The following AGXT2 variants were observed in gnomAD, a reference collection of about 807,000 sequenced individuals.
AGXT2 encodes the protein alanine--glyoxylate aminotransferase 2, mitochondrial.
Under a neutral mutation model 62.5 loss-of-function variants are expected in AGXT2, and 61 were observed. That is an observed-to-expected ratio of 0.98 (90% CI 0.79 to 1.21). The LOEUF is 1.21. AGXT2 is among the 50% of genes most tolerant of loss of function. The pLI is 0.00. For missense variants in AGXT2, 666 were observed against 641.5 expected (o/e 1.04, Z -0.41); for synonymous variants, 243 against 218.7 (o/e 1.11, Z -0.98).
At chr5:35,045,795 T>A (rs1768177699) in intron 1 of AGXT2, among the ~76,000 whole-genome samples, 1 of 125,010 alleles carries the variant, frequency 8.0e-6, no homozygotes. Flanking sequence ...TGAGAAGGAG[T>A]CTCACTCTGT....
chr5:35,026,402 A>G lies in AGXT2; in HGVS notation c.870+8T>C. 6.2e-7 allele frequency: 1 copy of G among 1,610,776 alleles called. No individual in the cohort carries two copies. The highest frequency in any genetic ancestry group is 8.5e-7 in the Non-Finnish European group (1 of 1,176,918). ...AGCTCCATTAATGTCTAAGGTTCAT[A>G]TACCCACTTGAATAGGTTCTGCGAA... On this transcript the variant is annotated splice_region_variant and intron_variant, in intron 8 of 13. Transcript: ENST00000231420.
chr5:34,998,678 CAAATTCT>C lies in AGXT2; in HGVS notation c.*34_*40del. 1 of 1,542,004 alleles carries C rather than the reference CAAATTCT, an allele frequency of 6.5e-7. No individual in the cohort carries two copies. The highest frequency in any genetic ancestry group is 2.2e-5 in the East Asian group (1 of 44,486). ...CAAATTCACCCTTGAACATACGTGGCAAATTCTTGAGACTTGTGGTTTTATTTATTTC... is the reference window on the plus strand; with the variant it reads ...CAAATTCACCCTTGAACATACGTGGCTGAGACTTGTGGTTTTATTTATTTC... On this transcript the variant is annotated 3_prime_UTR_variant, in exon 14 of 14. Transcript: ENST00000231420.
rs116355578 is a variant in AGXT2 at position 35,047,565 on chromosome 5, G to A, written c.88+240C>T. ...AGATAGCATGTCATGTTGAAATTGT[G>A]TATAGTCGGGTTTCATTATCCACGA... On this transcript the variant is annotated intron_variant, in intron 1 of 13. Transcript: ENST00000231420. Among the ~76,000 whole-genome samples the A allele has an allele frequency of 6.5e-3, 993 of 152,306 alleles. 12 individuals are homozygous for A. Among genetic ancestry groups the A allele is most frequent in the African/African-American group, 0.023 (943 of 41,554 alleles).
Position 35,040,617 on chromosome 5 carries a change from C to A in AGXT2, c.135G>T (p.Lys45Asn). The A allele has an allele frequency of 6.2e-7, 1 of 1,613,964 alleles. No homozygotes were observed. The highest frequency in any genetic ancestry group is 1.3e-5 in the African/African-American group (1 of 75,022). The change falls in exon 2 of 14, where the codon AAG (lysine) becomes AAT (asparagine). Residue 45 changes from lysine (K) to asparagine (N), a missense_variant. Coordinates refer to ENST00000231420, the MANE Select transcript of AGXT2 (RefSeq NM_031900.4). ...TSVTKLSLHT[K>N]PRMPPCDFMP... ...TGAAGTCACATGGAGGCATTCTGGG[C>A]TTTGTATGAAGACTGAGCTTGGTTA... is the stretch of plus-strand genomic sequence containing the variant.
At position 35,047,917 on chromosome 5, in the gene AGXT2, C is replaced by G. The variant is rs1344912637; in HGVS notation, c.-25G>C. On this transcript the variant is annotated 5_prime_UTR_variant, in exon 1 of 14. Coordinates refer to ENST00000231420, the MANE Select transcript of AGXT2 (RefSeq NM_031900.4). ...TTTCTCCCACTCAGAAAGCCAACCC[C>G]CATGGAAGCAGATTGGAGGCCGGGC... 2 of 1,613,630 alleles carry G rather than the reference C, an allele frequency of 1.2e-6. No homozygotes were observed. Among genetic ancestry groups the G allele is most frequent in the Non-Finnish European group, 1.7e-6 (2 of 1,179,872 alleles).
chr5:35,029,053 C>T (rs1767469938), intron 7 of AGXT2, among the ~76,000 whole-genome samples: 1 of 152,142 alleles, frequency 6.6e-6, no homozygotes, highest in Admixed American at 6.5e-5. Flanking sequence ...GACAGAGGTA[C>T]CTGATATCTT....
At chr5:35,034,841 C>T (rs565665394) in intron 5 of AGXT2, among the ~76,000 whole-genome samples, 77 of 152,116 alleles carry the variant, frequency 5.1e-4, no homozygotes, top group South Asian at 3.7e-3. Context: ...TAAAATAGGC[C>T]GGTATTTTTT....
rs1766104516 is a variant in AGXT2 at position 34,998,318 on chromosome 5, G to A, written c.*401C>T. On this transcript the variant is annotated 3_prime_UTR_variant, in exon 14 of 14. Coordinates refer to ENST00000231420, the MANE Select transcript of AGXT2 (RefSeq NM_031900.4). ...TATGGTGTTCTCAGCGCAACAAGAA[G>A]ACATCTCTTCTTGAACTGAAGAGTG... 10 of 264,392 alleles carry A rather than the reference G, an allele frequency of 3.8e-5. 1 individual carries two copies. The highest frequency in any genetic ancestry group is 7.3e-5 in the Non-Finnish European group (10 of 137,882). 16.4% of individuals were successfully genotyped at this position (264,392 alleles called of 1,614,324 possible).
intron 9 of AGXT2, among the ~76,000 whole-genome samples, chr5:35,020,058 A>C (rs1027462704): frequency 3.3e-5 from 5 of 152,160 alleles, no homozygotes; most frequent in South Asian, 2.1e-4. Context: ...CAATAACAGG[A>C]TCTGAAATTG....
At chr5:35,047,658 T>G (rs1579525605) in intron 1 of AGXT2, 147 bp downstream of exon 1, 2 of 1,010,766 alleles carry the variant, frequency 2.0e-6, no homozygotes, top group Non-Finnish European at 2.8e-6. Context: ...TGACTCAGGG[T>G]GAGAACCTGT....
intron 5 of AGXT2, 77 bp from the exon 6 acceptor site, chr5:35,033,630 G>T: frequency 8.7e-7 from 1 of 1,144,420 alleles, no homozygotes; most frequent in Non-Finnish European, 1.3e-6. Flanking sequence ...AACCCAGGAA[G>T]GCTATGAAGA....
At chr5:35,023,444 TTAGA>T (rs1767197076) in intron 9 of AGXT2, among the ~76,000 whole-genome samples, 1 of 152,228 alleles carries the variant, frequency 6.6e-6, no homozygotes, top group African/African-American at 2.4e-5. Flanking sequence ...ATTGCCTGTG[TTAGA>T]TAGTTTTCAA....
At chr5:35,005,981 A>G (rs1360551273) in intron 12 of AGXT2, among the ~76,000 whole-genome samples, 1 of 152,190 alleles carries the variant, frequency 6.6e-6, no homozygotes, top group Non-Finnish European at 1.5e-5. Context: ...GGTGTGAAAC[A>G]GATACTTTTT....
intron 1 of AGXT2, among the ~76,000 whole-genome samples, chr5:35,045,145 A>C (rs1258030487): frequency 6.6e-6 from 1 of 152,248 alleles, no homozygotes; most frequent in South Asian, 2.1e-4. Context: ...AATTGCTTCC[A>C]TAACTTTGTA....
At chr5:35,011,139 T>A (rs1766624034) in intron 11 of AGXT2, among the ~76,000 whole-genome samples, 1 of 152,208 alleles carries the variant, frequency 6.6e-6, no homozygotes, top group South Asian at 2.1e-4. Flanking sequence ...CCTTCTTGCC[T>A]TCTAAATTGG....
intron 12 of AGXT2, among the ~76,000 whole-genome samples, chr5:35,007,783 A>T (rs1766485594): frequency 6.6e-6 from 1 of 152,160 alleles, no homozygotes; most frequent in Non-Finnish European, 1.5e-5. Context: ...TGGAAGTTTG[A>T]TCCCCAATGT....
intron 13 of AGXT2, among the ~76,000 whole-genome samples, chr5:35,001,760 T>C (rs1766235999): frequency 6.6e-6 from 1 of 152,136 alleles, no homozygotes; most frequent in African/African-American, 2.4e-5. Context: ...GTTTGGTTGT[T>C]TATCTCATTA....
intron 12 of AGXT2, among the ~76,000 whole-genome samples, chr5:35,009,600 A>G (rs1054185099): frequency 2.0e-5 from 3 of 152,044 alleles, no homozygotes; most frequent in African/African-American, 7.2e-5. Context: ...CTGTCTCAAC[A>G]ACAACAACTC....
rs557707438 is a variant in AGXT2, at chr5:35,022,646, C to A, written c.963+3117G>T. On this transcript the variant is annotated intron_variant, in intron 9 of 13. Coordinates refer to ENST00000231420, the MANE Select transcript of AGXT2 (RefSeq NM_031900.4). ...CTAGATGACGAGTTAGTGGGTGCAG[C>A]GCACCAGCATGGCACATGTATACAT... Among the ~76,000 whole-genome samples the A allele has an allele frequency of 2.6e-3, 394 of 150,652 alleles. 1 individual carries two copies. Among genetic ancestry groups the A allele is most frequent in the African/African-American group, 9.1e-3 (373 of 40,980 alleles).
Sources: allele counts gnomAD v4.1 joint callset (sites outside exome capture counted in the v4.1 genomes callset), GRCh38; gene constraint gnomAD v4.1.1; transcripts MANE v1.5; gene names NCBI Gene and HGNC (gene_info 2026-07-23, HGNC 2026-07-21).